The following CRY1 variants were observed in gnomAD, a reference collection of about 807,000 sequenced individuals.
CRY1 encodes the protein cryptochrome-1.
In CRY1, 45 loss-of-function variants were observed where a neutral mutation model predicts 76.0. The ratio of observed to expected loss-of-function variants is 0.59; its 90% CI spans 0.47 to 0.76. CRY1 has a LOEUF of 0.76. CRY1 is among the 30% of genes least tolerant of loss of function. CRY1 has a pLI of 0.00. For synonymous variants in CRY1, 248 were observed against 244.0 expected (o/e 1.02, Z -0.15); for missense variants, 587 against 716.4 (o/e 0.82, Z 2.06).
intron 1 of CRY1, among the ~76,000 whole-genome samples, chr12:107,028,555 C>T (rs11113171): frequency 6.2e-4 from 95 of 152,212 alleles, no homozygotes; most frequent in African/African-American, 2.2e-3. Flanking sequence ...TCCATACACA[C>T]AATTTTAAAG....
At chr12:107,000,432 A>G (rs765551837) in intron 5 of CRY1, among the ~76,000 whole-genome samples, 22 of 151,472 alleles carry the variant, frequency 1.5e-4, no homozygotes, top group Non-Finnish European at 2.8e-4. Flanking sequence ...GCTCACTGCA[A>G]CCTCCAGCTC....
At position 107,001,839 on chromosome 12, in the gene CRY1, C is replaced by A; in HGVS notation, c.520G>T (p.Val174Leu). ...AGAGGAGTTGTGCACTTTTCTATCA[C>A]TTCTGAAGTAATTGTCTCTACTGGT... is the stretch of plus-strand genomic sequence containing the variant. ...EIPVETITSEVIEKCTTPLSD... is the reference protein window; with the variant it reads ...EIPVETITSELIEKCTTPLSD... Residue 174 changes from valine to leucine, a missense_variant, in exon 4 of 13, where the codon GTG (valine) becomes TTG (leucine). Physicochemically the swap from Val to Leu is conservative, Grantham distance 32. Transcript: ENST00000008527. 1 of 1,593,840 alleles carries A rather than the reference C, an allele frequency of 6.3e-7. No homozygotes were observed. Among genetic ancestry groups the A allele is most frequent in the Non-Finnish European group, 8.5e-7 (1 of 1,175,416 alleles).
chr12:107,086,218 A>C (rs1053734939), intron 1 of CRY1, among the ~76,000 whole-genome samples: 1 of 152,204 alleles, frequency 6.6e-6, no homozygotes, highest in African/African-American at 2.4e-5. Flanking sequence ...ACTATCAGAT[A>C]TGGGAGTTCA....
rs1952277503 is a variant in CRY1 at position 106,999,565 on chromosome 12, C to T, written c.1123G>A (p.Glu375Lys). The T allele has an allele frequency of 6.2e-7, 1 of 1,611,966 alleles. No homozygotes were observed. The stretch of plus-strand genomic sequence containing the variant: ...AGAACACTTACCTTCATTCCTTCTT[C>T]CCAACTAATCCACAGGTCCCCTCGT... ...LTRGDLWISW[E>K]EGMKVFEELL... The change falls in exon 7 of 13, where the codon GAA becomes AAA. Residue 375 changes from glutamate (E) to lysine (K), a missense_variant. By Grantham distance (56) the Glu-to-Lys change is moderately conservative. Coordinates refer to ENST00000008527, the MANE Select transcript of CRY1 (RefSeq NM_004075.5).
chr12:107,074,592 T>G (rs1953227798), intron 1 of CRY1, among the ~76,000 whole-genome samples: 1 of 152,188 alleles, frequency 6.6e-6, no homozygotes, highest in South Asian at 2.1e-4. Context: ...AGAATGAATT[T>G]TATGTCAAAT....
At chr12:107,090,112 C>T (rs1953453241) in intron 1 of CRY1, among the ~76,000 whole-genome samples, 2 of 149,092 alleles carry the variant, frequency 1.3e-5, no homozygotes, top group South Asian at 4.2e-4. Context: ...TTTTTTGAGA[C>T]AGAGTCTGGC....
intron 1 of CRY1, among the ~76,000 whole-genome samples, chr12:107,034,874 T>C (rs1952716516): frequency 6.6e-6 from 1 of 152,218 alleles, no homozygotes; most frequent in Non-Finnish European, 1.5e-5. Context: ...TGGCATCAAT[T>C]AGACTAATAT....
intron 1 of CRY1, among the ~76,000 whole-genome samples, chr12:107,025,775 G>A (rs536468649): frequency 7.8e-4 from 119 of 151,856 alleles, no homozygotes; most frequent in African/African-American, 2.7e-3. Context: ...GGTTTTCAAC[G>A]ACTCATTCCC....
At chr12:107,038,107 C>T (rs1395813187) in intron 1 of CRY1, among the ~76,000 whole-genome samples, 5 of 152,112 alleles carry the variant, frequency 3.3e-5, no homozygotes. Flanking sequence ...GAGGTTACTA[C>T]TTCTTTACAA....
chr12:107,055,187 CAT>C (rs1407113937), intron 1 of CRY1, among the ~76,000 whole-genome samples: 1 of 151,986 alleles, frequency 6.6e-6, no homozygotes. Context: ...TTATTTACAG[CAT>C]AGTCTCTGAC....
intron 1 of CRY1, among the ~76,000 whole-genome samples, chr12:107,067,337 A>C (rs1953125266): frequency 6.6e-6 from 1 of 152,194 alleles, no homozygotes; most frequent in East Asian, 1.9e-4. Flanking sequence ...TATTGACAAA[A>C]GGTACAATCT....
chr12:107,056,336 G>C lies in CRY1; in HGVS notation c.159-34144C>G, dbSNP rs144193058. Among the ~76,000 whole-genome samples, 1,046 of 152,340 alleles carry C rather than the reference G, an allele frequency of 6.9e-3. 32 individuals carry two copies. Among genetic ancestry groups the C allele is most frequent in the Admixed American group, 0.052 (797 of 15,298 alleles). Reference sequence around the variant, plus strand: ...ATAAATAAAAAGTAAAGAATTTATAGGCTGTAAGCACTGGCCAGCCCTTAG... The same window carrying C: ...ATAAATAAAAAGTAAAGAATTTATACGCTGTAAGCACTGGCCAGCCCTTAG... On this transcript the variant is annotated intron_variant, in intron 1 of 12. Transcript: ENST00000008527.
chr12:107,007,524 TTTC>T (rs1348835184), intron 2 of CRY1, among the ~76,000 whole-genome samples: 3 of 151,866 alleles, frequency 2.0e-5, no homozygotes, highest in Admixed American at 1.3e-4. Context: ...AGGAACTCTT[TTTC>T]TTCTTTTTTT....
At chr12:107,000,217 G>A (rs1183631379) in intron 5 of CRY1, 135 bp from the exon 6 acceptor site, 1 of 869,714 alleles carries the variant, frequency 1.1e-6, no homozygotes, top group African/African-American at 1.8e-5. Context: ...CAAATTACAT[G>A]TTTTAATAAA....
rs1566245681 is a variant in CRY1, at chr12:107,009,603, A to ATATATATATATATATATAT, written c.268-4356_268-4355insATATATATATATATATATA. On this transcript the variant is annotated intron_variant, in intron 2 of 12. Transcript: ENST00000008527. The stretch of plus-strand genomic sequence containing the variant: ...ATATATATATATATATATATATATA[A>ATATATATATATATATATAT]AATCTCTATATCTCCAGGTTCACGG... 3.6e-3 allele frequency among the ~76,000 whole-genome samples: 28 copies of ATATATATATATATATATAT among 7,770 alleles called. 3 individuals are homozygous for ATATATATATATATATATAT. The highest frequency in any genetic ancestry group is 7.7e-3 in the African/African-American group (27 of 3,504). The allele number at this position is 7,770 out of a possible 152,430, so 5.1% of individuals were successfully genotyped here.
At chr12:107,078,476 G>A (rs764689780) in intron 1 of CRY1, among the ~76,000 whole-genome samples, 32 of 151,788 alleles carry the variant, frequency 2.1e-4, no homozygotes, top group Non-Finnish European at 2.2e-4. Flanking sequence ...GTTCTCTTTC[G>A]CCTCCTTCAC....
At chr12:107,011,860 G>A (rs1219418888) in intron 2 of CRY1, among the ~76,000 whole-genome samples, 4 of 152,214 alleles carry the variant, frequency 2.6e-5, no homozygotes, top group African/African-American at 9.7e-5. Context: ...TCTATTGGAA[G>A]AAGATGTCAT....
chr12:107,013,542 T>G (rs1952467113), intron 2 of CRY1, among the ~76,000 whole-genome samples: 1 of 152,238 alleles, frequency 6.6e-6, no homozygotes, highest in Non-Finnish European at 1.5e-5. Flanking sequence ...TACTTTATTG[T>G]GGTGGTCTCG....
intron 1 of CRY1, among the ~76,000 whole-genome samples, chr12:107,075,029 CAAAA>C (rs1278257924): frequency 1.3e-5 from 2 of 150,668 alleles, no homozygotes; most frequent in African/African-American, 2.4e-5. Flanking sequence ...AAAAAAACAA[CAAAA>C]AACAAAAAAC....
Sources: allele counts gnomAD v4.1 joint callset (sites outside exome capture counted in the v4.1 genomes callset), GRCh38; gene constraint gnomAD v4.1.1; transcripts MANE v1.5; gene names NCBI Gene and HGNC (gene_info 2026-07-23, HGNC 2026-07-21).